ITGA8: variants seen among roughly 807,000 people sequenced by gnomAD.
ITGA8 encodes integrin subunit alpha 8.
In ITGA8, 91 loss-of-function variants were observed where a neutral mutation model predicts 142.3. The observed-to-expected ratio is 0.64, with a 90% confidence interval of 0.54 to 0.76. ITGA8 has a LOEUF of 0.76. ITGA8 is among the 30% of genes least tolerant of loss of function. The pLI, the probability that ITGA8 is intolerant of heterozygous loss-of-function variation, is 0.00. For synonymous variants in ITGA8, 505 were observed against 485.2 expected, an observed-to-expected ratio of 1.04 and a Z score of -0.54; for missense variants, 1,406 against 1,327.7, an observed-to-expected ratio of 1.06 and a Z score of -0.92.
At chr10:15,525,974 C>T (rs1388731513) in intron 28 of ITGA8, among the ~76,000 whole-genome samples, 1 of 152,068 alleles carries the variant, frequency 6.6e-6, no homozygotes, top group African/African-American at 2.4e-5. Context: ...GTGAAAGTAA[C>T]ACAACCGTGT....
intron 27 of ITGA8, among the ~76,000 whole-genome samples, chr10:15,538,130 C>A (rs4501893): frequency 0.2 from 30,077 of 151,978 alleles, 4,019 homozygotes; most frequent in African/African-American, 0.38. Flanking sequence ...TCTAAGAAAA[C>A]AATAAAAAGC....
At chr10:15,704,279 C>A (rs1326715113) in intron 2 of ITGA8, among the ~76,000 whole-genome samples, 1 of 152,208 alleles carries the variant, frequency 6.6e-6, no homozygotes, top group African/African-American at 2.4e-5. Context: ...ACCTTCAAAT[C>A]CATTCTCTAT....
chr10:15,519,244 C>T, intron 29 of ITGA8, 46 bp downstream of exon 29: 1 of 1,606,788 alleles, frequency 6.2e-7, no homozygotes, highest in Non-Finnish European at 8.5e-7. Context: ...TAAATTCCCT[C>T]AACAGCCCCT....
intron 25 of ITGA8, among the ~76,000 whole-genome samples, chr10:15,571,331 T>C (rs1197391486): frequency 6.6e-6 from 1 of 152,232 alleles, no homozygotes; most frequent in African/African-American, 2.4e-5. Context: ...CGCTGCGCCA[T>C]TTTTAATAGA....
intron 11 of ITGA8, among the ~76,000 whole-genome samples, chr10:15,652,327 G>A (rs1834101686): frequency 6.6e-6 from 1 of 152,228 alleles, no homozygotes. Context: ...AAACAGGAGT[G>A]GCCTGTGGAA....
At chr10:15,533,907 A>C (rs1237695345) in intron 27 of ITGA8, among the ~76,000 whole-genome samples, 1 of 142,114 alleles carries the variant, frequency 7.0e-6, no homozygotes, top group Non-Finnish European at 1.5e-5. Flanking sequence ...TCATCACATC[A>C]CCAATCTTTT....
At chr10:15,557,237 G>T (rs1171364561) in intron 26 of ITGA8, among the ~76,000 whole-genome samples, 1 of 152,110 alleles carries the variant, frequency 6.6e-6, no homozygotes, top group Non-Finnish European at 1.5e-5. Context: ...AAAATTAGCT[G>T]GGCATGGTGG....
At chr10:15,607,910 GT>G (rs2131611162) in intron 16 of ITGA8, 79 bp from the exon 17 acceptor site, 1 of 1,278,044 alleles carries the variant, frequency 7.8e-7, no homozygotes, top group African/African-American at 1.5e-5. Context: ...TCTATTTCAA[GT>G]TGCTTATTCA....
At chr10:15,710,150 G>GA (rs1450315379) in intron 2 of ITGA8, among the ~76,000 whole-genome samples, 2 of 151,926 alleles carry the variant, frequency 1.3e-5, no homozygotes, top group Admixed American at 6.6e-5. Flanking sequence ...AAATGCATGA[G>GA]AAAAAAACAG....
In ITGA8 at chr10:15,646,860, T is replaced by C. The variant is rs1764507288; in HGVS notation, c.1193A>G (p.Gln398Arg). ...GTTTAAATTACCATTGTATCCATCT[T>C]GGTTCAGGTCTCCTAAGTGTGCCAT... ...SAMAHLGDLN[Q>R]DGYNDIAIGV... Residue 398 changes from glutamine (Q) to arginine (R), a missense_variant, in exon 12 of 30, where the codon CAA (glutamine) becomes CGA (arginine). Transcript: ENST00000378076. The C allele has an allele frequency of 6.2e-7, 1 of 1,613,816 alleles. No homozygotes were observed. The highest frequency in any genetic ancestry group is 8.5e-7 in the Non-Finnish European group (1 of 1,179,902).
intron 28 of ITGA8, among the ~76,000 whole-genome samples, chr10:15,523,641 G>A (rs551686817): frequency 1.3e-5 from 2 of 152,038 alleles, no homozygotes; most frequent in South Asian, 4.2e-4. Flanking sequence ...CAGGTGTGGT[G>A]GCTTACGCCT....
chr10:15,517,301 C>G, intron 29 of ITGA8, 57 bp from the exon 30 acceptor site: 4 of 1,175,142 alleles, frequency 3.4e-6, no homozygotes, highest in Non-Finnish European at 4.9e-6. Flanking sequence ...TGTGAAACCC[C>G]TCATTCAAAG....
chr10:15,575,737 A>T, intron 23 of ITGA8, 143 bp from the exon 24 acceptor site: 1 of 628,544 alleles, frequency 1.6e-6, no homozygotes, highest in Non-Finnish European at 2.9e-6. Context: ...AAATATTGAA[A>T]GTGATGTACA....
At position 15,605,783 on chromosome 10, in the gene ITGA8, A is replaced by C. The variant is rs955027652; in HGVS notation, c.1911T>G (p.Ile637Met). 8 of 1,613,284 alleles carry C rather than the reference A, an allele frequency of 5.0e-6. No individual in the cohort carries two copies. In the African/African-American group the frequency reaches 9.3e-5, roughly 19 times the overall value. ...GATTGTCTTCTCCACAGTCCACCAGAATGTGAGCCTGTGTTGTATAAACGC... is the reference window on the plus strand; with the variant it reads ...GATTGTCTTCTCCACAGTCCACCAGCATGTGAGCCTGTGTTGTATAAACGC... Reference protein sequence around the residue: ...RENIVSEQAHILVDCGEDNLC... With the variant: ...RENIVSEQAHMLVDCGEDNLC... The change falls in exon 19 of 30, where the codon ATT becomes ATG. Residue 637 changes from isoleucine to methionine, a missense_variant. Transcript: ENST00000378076.
chr10:15,694,684 T>TAG (rs1564412787), intron 2 of ITGA8, among the ~76,000 whole-genome samples: 1 of 132,216 alleles, frequency 7.6e-6, no homozygotes, highest in East Asian at 2.3e-4. Flanking sequence ...TCGACATATA[T>TAG]ATATATATAT....
chr10:15,601,741 T>A (rs116815187), intron 20 of ITGA8, among the ~76,000 whole-genome samples: 2,199 of 152,276 alleles, frequency 0.014, 60 homozygotes, highest in African/African-American at 0.05. Context: ...ATTTACATTT[T>A]CTAAAAAGAC....
chr10:15,602,616 T>A (rs2131606018), intron 20 of ITGA8, among the ~76,000 whole-genome samples: 1 of 152,158 alleles, frequency 6.6e-6, no homozygotes, highest in East Asian at 1.9e-4. Context: ...TGCACACCCG[T>A]AGTCCTAGCT....
chr10:15,525,136 G>A (rs1289737932), intron 28 of ITGA8, among the ~76,000 whole-genome samples: 7 of 152,108 alleles, frequency 4.6e-5, no homozygotes, highest in Non-Finnish European at 1.0e-4. Context: ...AGCCTCTTGA[G>A]TAGCTGGGAC....
chr10:15,627,728 G>C (rs1437802738), intron 13 of ITGA8, among the ~76,000 whole-genome samples: 1 of 152,128 alleles, frequency 6.6e-6, no homozygotes, highest in Non-Finnish European at 1.5e-5. Context: ...CTCAGCCTTG[G>C]AGGTTGTTTT....
Sources: gnomAD v4.1 joint callset for allele counts (sites outside exome capture counted in the v4.1 genomes callset) on GRCh38, gnomAD v4.1.1 for gene constraint, MANE v1.5 for transcripts, NCBI Gene and HGNC (gene_info 2026-07-23, HGNC 2026-07-21) for gene names.